Variants in NT5DC1 observed in about 807,000 individuals in gnomAD.
NT5DC1 encodes 5'-nucleotidase domain containing 1.
NT5DC1 carries 42 observed loss-of-function variants against 59.4 expected under a neutral mutation model. The ratio of observed to expected loss-of-function variants is 0.71; its 90% confidence interval spans 0.55 to 0.92. The LOEUF (loss-of-function observed/expected upper bound fraction) is 0.92, where lower values mean the gene tolerates loss of function less well. Among genes scored for constraint, NT5DC1 ranks in the 40% least tolerant of loss-of-function variants. The pLI is 0.00. For missense variants in NT5DC1, 501 were observed against 537.1 expected, an observed-to-expected ratio of 0.93 and a Z score of 0.66; for synonymous variants, 172 against 188.1, an observed-to-expected ratio of 0.91 and a Z score of 0.70.
intron 6 of NT5DC1, among the ~76,000 whole-genome samples, chr6:116,182,606 T>C (rs1464736348): frequency 6.6e-6 from 1 of 152,124 alleles, no homozygotes; most frequent in Non-Finnish European, 1.5e-5. Context: ...TATCACATTA[T>C]GGTTTTGGTT....
chr6:116,195,600 C>T (rs910961525), intron 6 of NT5DC1, among the ~76,000 whole-genome samples: 5 of 151,966 alleles, frequency 3.3e-5, no homozygotes, highest in African/African-American at 9.7e-5. Flanking sequence ...TCTGCTCCCT[C>T]CCTCAAATGT....
chr6:116,177,850 A>G lies in NT5DC1; in HGVS notation c.530-43204A>G, dbSNP rs181363310. On this transcript the variant is annotated intron_variant, in intron 6 of 11. Coordinates refer to ENST00000319550, the MANE Select transcript of NT5DC1 (RefSeq NM_152729.3). ...ATAAGCTTTAGGTAACAGCTCTGAA[A>G]TGCCTACTGGAAGGGCAGGGAGGTT... Among the ~76,000 whole-genome samples the G allele has an allele frequency of 1.9e-3, 282 of 152,292 alleles. 1 individual carries two copies. The highest frequency in any genetic ancestry group is 5.9e-3 in the African/African-American group (244 of 41,576).
intron 6 of NT5DC1, chr6:116,119,210 T>C (rs534963820): frequency 1.3e-5 from 2 of 152,766 alleles, no homozygotes; most frequent in Admixed American, 1.3e-4. Flanking sequence ...ATAACTTCAC[T>C]TGAATGGGAG....
chr6:116,236,285 A>G (rs1291162054), intron 8 of NT5DC1, among the ~76,000 whole-genome samples: 4 of 152,242 alleles, frequency 2.6e-5, no homozygotes, highest in Non-Finnish European at 5.9e-5. Flanking sequence ...TCATGCTGGT[A>G]GGCAGATTCT....
intron 6 of NT5DC1, among the ~76,000 whole-genome samples, chr6:116,176,575 A>C (rs892987908): frequency 7.9e-5 from 12 of 152,194 alleles, no homozygotes; most frequent in Admixed American, 6.5e-4. Context: ...AAGATATCAA[A>C]CACAGTACCA....
chr6:116,110,774 T>C (rs761769353), intron 3 of NT5DC1, 76 bp from the exon 4 acceptor site: 1 of 1,047,252 alleles, frequency 9.5e-7, no homozygotes, highest in Non-Finnish European at 1.5e-6. Context: ...GCAACAGGGA[T>C]CAACAGTCAC....
At chr6:116,146,799 A>G (rs1329009770) in intron 6 of NT5DC1, among the ~76,000 whole-genome samples, 2 of 152,044 alleles carry the variant, frequency 1.3e-5, no homozygotes, top group Non-Finnish European at 2.9e-5. Flanking sequence ...ATAGCATTTC[A>G]GATCAGTGGA....
At chr6:116,131,088 T>G (rs183975201) in intron 6 of NT5DC1, among the ~76,000 whole-genome samples, 3 of 152,332 alleles carry the variant, frequency 2.0e-5, no homozygotes, top group Non-Finnish European at 4.4e-5. Context: ...ATAAAGTACA[T>G]ATGTTTTCTC....
chr6:116,160,904 C>T lies in NT5DC1; in HGVS notation c.529+42959C>T, dbSNP rs375045342. 1.3e-4 allele frequency among the ~76,000 whole-genome samples: 20 copies of T among 152,038 alleles called. No individual in the cohort carries two copies. In the South Asian group the frequency reaches 2.1e-3, roughly 16 times the overall value. ...GACACATGCACACGTATGTTTATTGCGGTATTATTCACAATAGCAAAGACT... is the reference window on the plus strand; with the variant it reads ...GACACATGCACACGTATGTTTATTGTGGTATTATTCACAATAGCAAAGACT... On this transcript the variant is annotated intron_variant, in intron 6 of 11. Transcript: ENST00000319550.
At chr6:116,169,005 G>GGC (rs1780544904) in intron 6 of NT5DC1, among the ~76,000 whole-genome samples, 1 of 152,166 alleles carries the variant, frequency 6.6e-6, no homozygotes, top group Non-Finnish European at 1.5e-5. Context: ...ACCCTGGAGA[G>GGC]TTTATTAGCC....
At chr6:116,165,917 A>T (rs1780451547) in intron 6 of NT5DC1, among the ~76,000 whole-genome samples, 1 of 152,166 alleles carries the variant, frequency 6.6e-6, no homozygotes, top group African/African-American at 2.4e-5. Context: ...ATGAATGCAC[A>T]ACCAGTATGG....
chr6:116,245,615 T>A lies in NT5DC1; in HGVS notation c.*1591T>A, dbSNP rs982613308. 4.6e-5 allele frequency: 7 copies of A among 152,258 alleles called. No individual in the cohort carries two copies. Among genetic ancestry groups the A allele is most frequent in the African/African-American group, 1.2e-4 (5 of 41,458 alleles). The allele number at this position is 152,258 out of a possible 1,614,324, so 9.4% of individuals were successfully genotyped here. The stretch of plus-strand genomic sequence containing the variant: ...GAGCATAAATAATCAAGCTTAGGAC[T>A]AAATGAAAGATACTATCTCATGTAT... On this transcript the variant is annotated 3_prime_UTR_variant, in exon 12 of 12. Coordinates refer to ENST00000319550, the MANE Select transcript of NT5DC1 (RefSeq NM_152729.3).
At chr6:116,146,534 G>C (rs551886935) in intron 6 of NT5DC1, among the ~76,000 whole-genome samples, 3 of 152,280 alleles carry the variant, frequency 2.0e-5, no homozygotes, top group Admixed American at 2.0e-4. Flanking sequence ...CTTAACAAAA[G>C]AAAGTATGTG....
At chr6:116,237,126 G>A (rs756659102) in intron 9 of NT5DC1, 42 bp downstream of exon 9, 1 of 1,103,306 alleles carries the variant, frequency 9.1e-7, no homozygotes, top group South Asian at 1.3e-5. Flanking sequence ...CCCACTTGCA[G>A]ACATAAGCAG....
rs191971856 is a variant in NT5DC1, at chr6:116,209,344, A to T, written c.530-11710A>T. Among the ~76,000 whole-genome samples, 502 of 152,104 alleles carry T rather than the reference A, an allele frequency of 3.3e-3. 15 individuals are homozygous for T. The South Asian group carries it at 0.046, about 14-fold the overall frequency. On this transcript the variant is annotated intron_variant, in intron 6 of 11. Coordinates refer to ENST00000319550, the MANE Select transcript of NT5DC1 (RefSeq NM_152729.3). The stretch of plus-strand genomic sequence containing the variant: ...CTCTGGTCTTTATGGTCACCTGGTA[A>T]GTCTTGCCTGGTAGCTTTTTCCCAC...
At chr6:116,237,263 G>T (rs779077530) in intron 9 of NT5DC1, among the ~76,000 whole-genome samples, 179 bp downstream of exon 9, 8 of 152,190 alleles carry the variant, frequency 5.3e-5, no homozygotes, top group Non-Finnish European at 1.0e-4. Flanking sequence ...CACAGATTTA[G>T]GGGGTGTATG....
rs1368261166 is a variant in NT5DC1, at chr6:116,246,532, AATT to A, written c.*2512_*2514del. On this transcript the variant is annotated 3_prime_UTR_variant, in exon 12 of 12. Transcript: ENST00000319550. ...GGTTTGAATGAAAATAAATTTATAT[AATT>A]ATTTTATATAACAAATCAGCATAAA... is the stretch of plus-strand genomic sequence containing the variant. 1.3e-5 allele frequency: 2 copies of A among 151,968 alleles called. No homozygotes were observed. Among genetic ancestry groups the A allele is most frequent in the Non-Finnish European group, 2.9e-5 (2 of 67,948 alleles). The allele number at this position is 151,968 out of a possible 1,614,324, so 9.4% of individuals were successfully genotyped here.
At chr6:116,125,539 C>G (rs760042533) in intron 6 of NT5DC1, 15 of 1,590,108 alleles carry the variant, frequency 9.4e-6, no homozygotes, top group Non-Finnish European at 1.3e-5. Context: ...CTTTATACAG[C>G]ATTGTTATTA....
At chr6:116,116,086 CA>C (rs1778957899) in intron 5 of NT5DC1, among the ~76,000 whole-genome samples, 1 of 151,574 alleles carries the variant, frequency 6.6e-6, no homozygotes, top group East Asian at 1.9e-4. Context: ...GTTTCATTAG[CA>C]AAATAAAAAA....
Sources: gnomAD v4.1 joint callset for allele counts (sites outside exome capture counted in the v4.1 genomes callset) on GRCh38, gnomAD v4.1.1 for gene constraint, MANE v1.5 for transcripts, NCBI Gene and HGNC (gene_info 2026-07-23, HGNC 2026-07-21) for gene names.